Variants in TNRC6C observed in about 807,000 individuals in gnomAD.
TNRC6C encodes trinucleotide repeat containing adaptor 6C.
A neutral mutation model predicts 153.7 loss-of-function variants in TNRC6C; 20 were observed. That is an observed-to-expected ratio of 0.13 (90% CI 0.09 to 0.19). The LOEUF (loss-of-function observed/expected upper bound fraction) is 0.19. Ranked by LOEUF, TNRC6C falls within the 10% of genes least tolerant of loss-of-function variation. TNRC6C has a pLI of 1.00. For synonymous variants in TNRC6C, 811 were observed against 841.4 expected (o/e 0.96, Z 0.63); for missense variants, 1,987 against 2,172.0 (o/e 0.91, Z 1.69).
At chr17:78,011,925 T>C (rs2143385927) in intron 1 of TNRC6C, 1 of 152,354 alleles carries the variant, frequency 6.6e-6, no homozygotes, top group East Asian at 1.9e-4. Flanking sequence ...TATTTTAATG[T>C]GCTTATTTGT....
chr17:77,973,881 A>G (rs2070962373), intron 1 of TNRC6C, among the ~76,000 whole-genome samples: 1 of 152,188 alleles, frequency 6.6e-6, no homozygotes, highest in Non-Finnish European at 1.5e-5. Flanking sequence ...GGATGGGAAA[A>G]CACAATATTG....
intron 1 of TNRC6C, among the ~76,000 whole-genome samples, chr17:77,984,342 A>G (rs1287286226): frequency 6.8e-6 from 1 of 146,780 alleles, no homozygotes; most frequent in Non-Finnish European, 1.5e-5. Context: ...ACATAGCAAG[A>G]CCTCATCAAT....
intron 1 of TNRC6C, among the ~76,000 whole-genome samples, chr17:77,967,431 A>G (rs938863889): frequency 2.6e-5 from 4 of 152,136 alleles, no homozygotes; most frequent in South Asian, 2.1e-4. Context: ...ATAATTGAAC[A>G]TGTTTCTTCG....
intron 1 of TNRC6C, among the ~76,000 whole-genome samples, chr17:77,963,177 A>G (rs2070874143): frequency 6.6e-6 from 1 of 152,238 alleles, no homozygotes; most frequent in Admixed American, 6.5e-5. Flanking sequence ...CTTTTTAGGA[A>G]TATAATTACT....
intron 3 of TNRC6C, among the ~76,000 whole-genome samples, chr17:78,060,468 C>CTTTTT (rs975826787): frequency 2.4e-5 from 3 of 125,978 alleles, no homozygotes; most frequent in Non-Finnish European, 3.4e-5. Context: ...AATCGTTTAT[C>CTTTTT]TTTTTTTTTT....
At chr17:78,102,012 A>T (rs1372314662) in intron 17 of TNRC6C, among the ~76,000 whole-genome samples, 3 of 152,190 alleles carry the variant, frequency 2.0e-5, no homozygotes, top group Non-Finnish European at 4.4e-5. Context: ...TTGGATGGGG[A>T]CACAGCCAAA....
chr17:78,028,061 A>C (rs1165653383), intron 1 of TNRC6C, among the ~76,000 whole-genome samples: 1 of 151,952 alleles, frequency 6.6e-6, no homozygotes, highest in Non-Finnish European at 1.5e-5. Flanking sequence ...ATGCCCGGCT[A>C]ATTTTTTTTT....
chr17:77,984,051 G>A (rs1262226652), intron 1 of TNRC6C, among the ~76,000 whole-genome samples: 1 of 152,156 alleles, frequency 6.6e-6, no homozygotes, highest in African/African-American at 2.4e-5. Flanking sequence ...GGGGTGGACT[G>A]TGCCAATTAT....
intron 1 of TNRC6C, among the ~76,000 whole-genome samples, chr17:78,019,968 A>G (rs1413985962): frequency 6.6e-6 from 1 of 152,240 alleles, no homozygotes; most frequent in Non-Finnish European, 1.5e-5. Context: ...ATGCCCATTT[A>G]ATTTATCTGT....
rs113357804 is a variant in TNRC6C at position 77,990,228 on chromosome 17, T to C, written c.-37-13942T>C. 3.9e-5 allele frequency among the ~76,000 whole-genome samples: 6 copies of C among 152,214 alleles called. No homozygotes were observed. The South Asian group carries it at 8.3e-4, about 21-fold the overall frequency. Reference sequence around the variant, plus strand: ...CTAAACTACCAAGTCTAAACTCTTATATTGACTGCAGTAGCCTACGCATTG... The same window carrying C: ...CTAAACTACCAAGTCTAAACTCTTACATTGACTGCAGTAGCCTACGCATTG... On this transcript the variant is annotated intron_variant, in intron 1 of 22. Coordinates refer to the TNRC6C transcript ENST00000636222.
exon 20 of TNRC6C, chr17:78,106,360 G>A (rs1396389850): frequency 6.6e-6 from 1 of 152,020 alleles, no homozygotes; most frequent in African/African-American, 2.4e-5. Flanking sequence ...CCATCGTCGT[G>A]GACTCTGTCG....
chr17:77,999,912 A>G (rs1320889518), upstream of TNRC6C, among the ~76,000 whole-genome samples: 16 of 152,228 alleles, frequency 1.1e-4, no homozygotes, highest in Admixed American at 1.0e-3. Flanking sequence ...GAGTGACAAC[A>G]TACACCTTTG....
chr17:77,994,292 C>T (rs1490103086), intron 1 of TNRC6C, among the ~76,000 whole-genome samples: 2 of 152,186 alleles, frequency 1.3e-5, no homozygotes, highest in South Asian at 2.1e-4. Flanking sequence ...ACATGCAAGC[C>T]CTGGGCTTCA....
At chr17:78,009,268 A>T (rs370014862) in intron 1 of TNRC6C, among the ~76,000 whole-genome samples, 1 of 152,156 alleles carries the variant, frequency 6.6e-6, no homozygotes, top group East Asian at 1.9e-4. Context: ...ACTGCCCTTA[A>T]TTGAGGCACA....
intron 1 of TNRC6C, among the ~76,000 whole-genome samples, chr17:77,997,654 G>T (rs1034472668): frequency 6.9e-6 from 1 of 145,820 alleles, no homozygotes; most frequent in African/African-American, 2.5e-5. Context: ...TTATAACGTT[G>T]TTTTTTTTTT....
chr17:77,977,191 C>T (rs2071013577), intron 1 of TNRC6C, among the ~76,000 whole-genome samples: 1 of 151,664 alleles, frequency 6.6e-6, no homozygotes, highest in Non-Finnish European at 1.5e-5. Flanking sequence ...TTTAGTTTAT[C>T]TTTTCATAAA....
At chr17:78,036,455 T>G (rs1038227086) in intron 2 of TNRC6C, among the ~76,000 whole-genome samples, 1 of 152,158 alleles carries the variant, frequency 6.6e-6, no homozygotes, top group Non-Finnish European at 1.5e-5. Context: ...AACTTACGTG[T>G]CCATTCCAGT....
At chr17:77,965,649 C>CT (rs2085494409) in intron 1 of TNRC6C, among the ~76,000 whole-genome samples, 2 of 152,086 alleles carry the variant, frequency 1.3e-5, no homozygotes, top group African/African-American at 4.8e-5. Context: ...AGCTGTCTTA[C>CT]TAGTATAGTG....
chr17:78,001,579 A>G (rs1043612105), upstream of TNRC6C, among the ~76,000 whole-genome samples: 24 of 152,236 alleles, frequency 1.6e-4, no homozygotes, highest in African/African-American at 5.8e-4. Flanking sequence ...GGGGAGGGAG[A>G]GAGAAGGGAG....
Sources: allele counts gnomAD v4.1 joint callset (sites outside exome capture counted in the v4.1 genomes callset), GRCh38; gene constraint gnomAD v4.1.1; transcripts MANE v1.5; gene names NCBI Gene and HGNC (gene_info 2026-07-23, HGNC 2026-07-21).